REV3L: variants seen among roughly 807,000 people sequenced by gnomAD.
REV3L encodes REV3 like, DNA directed polymerase zeta catalytic subunit.
In REV3L, 69 loss-of-function variants were observed where a neutral mutation model predicts 299.4. The ratio of observed to expected loss-of-function variants is 0.23; its 90% confidence interval spans 0.19 to 0.28. The LOEUF is 0.28. Among genes scored for constraint, REV3L ranks in the 10% least tolerant of loss-of-function variants. The pLI is 1.00. For missense variants in REV3L, 3,128 were observed against 3,693.8 expected, an observed-to-expected ratio of 0.85 and a Z score of 3.97; for synonymous variants, 1,238 against 1,271.4, an observed-to-expected ratio of 0.97 and a Z score of 0.56.
intron 21 of REV3L, among the ~76,000 whole-genome samples, chr6:111,341,015 T>C (rs929448661): frequency 6.6e-6 from 1 of 151,098 alleles, no homozygotes; most frequent in Non-Finnish European, 1.5e-5. Context: ...AAGTTTTATT[T>C]ATTGGTGTAT....
chr6:111,368,889 C>T (rs1255638824), intron 13 of REV3L, among the ~76,000 whole-genome samples: 1 of 152,114 alleles, frequency 6.6e-6, no homozygotes, highest in Non-Finnish European at 1.5e-5. Context: ...CCATCACTCT[C>T]TATGTAAAAT....
rs531707898 is a variant in REV3L at position 111,394,082 on chromosome 6, G to A, written c.566-1110C>T. Among the ~76,000 whole-genome samples, 4 of 152,282 alleles carry A rather than the reference G, an allele frequency of 2.6e-5. No individual in the cohort carries two copies. In the South Asian group the frequency reaches 8.3e-4, roughly 32 times the overall value. On this transcript the variant is annotated intron_variant, in intron 4 of 31. Coordinates refer to ENST00000368802, the MANE Select transcript of REV3L (RefSeq NM_001372078.1). ...CATCTTGGCTATTATAAACAGTGCT[G>A]CAATAAACATGGGGGTGTAGGTTAT...
At chr6:111,473,734 C>G (rs1792542045) in intron 1 of REV3L, among the ~76,000 whole-genome samples, 1 of 151,924 alleles carries the variant, frequency 6.6e-6, no homozygotes, top group Admixed American at 6.6e-5. Flanking sequence ...TTTTGTCTTT[C>G]AATTATCATC....
intron 1 of REV3L, among the ~76,000 whole-genome samples, chr6:111,445,298 G>A (rs1788714047): frequency 6.6e-6 from 1 of 151,930 alleles, no homozygotes; most frequent in African/African-American, 2.4e-5. Context: ...CCTGGGTAAC[G>A]GGGGTAAATC....
rs767493703 is a variant in REV3L at position 111,319,673 on chromosome 6, G to C, written c.8351+2896C>G. On this transcript the variant is annotated intron_variant, in intron 26 of 31. Coordinates refer to ENST00000368802, the MANE Select transcript of REV3L (RefSeq NM_001372078.1). ...GTTTAATTGGAATGTCATCATAATT[G>C]GAAGGTCATTTACCTTCGTCTATCA... 6.6e-5 allele frequency among the ~76,000 whole-genome samples: 10 copies of C among 151,182 alleles called. 1 individual carries two copies. Among genetic ancestry groups the C allele is most frequent in the Non-Finnish European group, 1.2e-4 (8 of 68,004 alleles).
intron 26 of REV3L, among the ~76,000 whole-genome samples, chr6:111,319,043 C>T (rs771031033): frequency 6.6e-6 from 1 of 151,974 alleles, no homozygotes; most frequent in Non-Finnish European, 1.5e-5. Flanking sequence ...TATATCTTGA[C>T]GGGCATGATA....
intron 3 of REV3L, among the ~76,000 whole-genome samples, chr6:111,409,131 A>C (rs1410668035): frequency 6.6e-6 from 1 of 152,256 alleles, no homozygotes; most frequent in Non-Finnish European, 1.5e-5. Flanking sequence ...AGATAGCTGG[A>C]TTATTACATC....
intron 20 of REV3L, 114 bp downstream of exon 20, chr6:111,349,104 T>C: frequency 1.7e-6 from 1 of 597,712 alleles, no homozygotes; most frequent in Non-Finnish European, 2.9e-6. Context: ...AGTATAACAG[T>C]AATTGACAAA....
chr6:111,434,155 A>C (rs1220434038), intron 1 of REV3L, among the ~76,000 whole-genome samples: 2 of 152,158 alleles, frequency 1.3e-5, no homozygotes, highest in African/African-American at 4.8e-5. Context: ...CACTTTCACC[A>C]CTTTTATTCA....
At chr6:111,448,218 C>A (rs1789085191) in intron 1 of REV3L, among the ~76,000 whole-genome samples, 1 of 152,178 alleles carries the variant, frequency 6.6e-6, no homozygotes, top group Admixed American at 6.5e-5. Context: ...TGTGTGGAAA[C>A]TGGTCTGCAG....
At position 111,318,533 on chromosome 6, in the gene REV3L, A is replaced by C. The variant is rs564397304; in HGVS notation, c.8352-3152T>G. ...AACTGCCAACTTTTTATGAAAGATT[A>C]TTCTTAAAATGTTCAGATGCAATGA... On this transcript the variant is annotated intron_variant, in intron 26 of 31. Transcript: ENST00000368802. 1.8e-4 allele frequency among the ~76,000 whole-genome samples: 27 copies of C among 152,302 alleles called. No individual in the cohort carries two copies. In the South Asian group the frequency reaches 2.9e-3, roughly 16 times the overall value.
At chr6:111,312,267 A>T (rs1773067793) in intron 28 of REV3L, 1 of 152,064 alleles carries the variant, frequency 6.6e-6, no homozygotes, top group South Asian at 2.1e-4. Context: ...TGCTGAAAAA[A>T]ATCCCAAATT....
chr6:111,444,146 T>C (rs550640319), intron 1 of REV3L, among the ~76,000 whole-genome samples: 9 of 152,174 alleles, frequency 5.9e-5, no homozygotes, highest in Non-Finnish European at 8.8e-5. Context: ...TTAGGAAGTA[T>C]TGGTTAAAAA....
intron 30 of REV3L, chr6:111,309,152 TGTG>T (rs1188403465): frequency 1.3e-5 from 2 of 152,332 alleles, no homozygotes; most frequent in East Asian, 3.8e-4. Flanking sequence ...ATAGGCGGCT[TGTG>T]TTAACCAGCT....
At position 111,387,802 on chromosome 6, in the gene REV3L, A is replaced by G. The variant is rs773182149; in HGVS notation, c.1059T>C (p.Asn353=). 6.2e-7 allele frequency: 1 copy of G among 1,613,950 alleles called. No homozygotes were observed. The highest frequency in any genetic ancestry group is 1.1e-5 in the South Asian group (1 of 91,076). The part of the protein sequence containing the change: ...SPEMLQCTPA[N]MVEVHKDKES... ...CTTTGTCTTTGTGAACTTCTACCATATTGGCTGGTGTACACTGAAGCATTT... is the reference window on the plus strand; with the variant it reads ...CTTTGTCTTTGTGAACTTCTACCATGTTGGCTGGTGTACACTGAAGCATTT... The change falls in exon 9 of 32, where the codon AAT becomes AAC. Residue 353 remains asparagine (N), a synonymous_variant. Transcript: ENST00000368802.
intron 20 of REV3L, among the ~76,000 whole-genome samples, chr6:111,345,464 TG>T (rs1324101340): frequency 3.9e-5 from 6 of 152,170 alleles, no homozygotes; most frequent in Non-Finnish European, 8.8e-5. Context: ...ATGCAGTAAG[TG>T]TAACAATTAT....
chr6:111,458,934 C>G (rs1382565490), intron 1 of REV3L, among the ~76,000 whole-genome samples: 1 of 151,864 alleles, frequency 6.6e-6, no homozygotes, highest in Non-Finnish European at 1.5e-5. Flanking sequence ...AAAAACTACT[C>G]TAAAATTCAT....
intron 1 of REV3L, among the ~76,000 whole-genome samples, chr6:111,434,971 G>A (rs1173839501): frequency 2.0e-5 from 3 of 152,164 alleles, no homozygotes; most frequent in East Asian, 1.9e-4. Context: ...TTGGGAGGCC[G>A]AGACTGAAGG....
At chr6:111,359,085 T>A (rs1425279173) in intron 16 of REV3L, 71 bp from the exon 17 acceptor site, 2 of 1,276,714 alleles carry the variant, frequency 1.6e-6, no homozygotes, top group African/African-American at 3.0e-5. Context: ...TATGTAAGGC[T>A]CTAGGGAAAT....
Sources: allele counts gnomAD v4.1 joint callset (sites outside exome capture counted in the v4.1 genomes callset), GRCh38; gene constraint gnomAD v4.1.1; transcripts MANE v1.5; gene names NCBI Gene and HGNC (gene_info 2026-07-23, HGNC 2026-07-21).